ME3: variants seen among roughly 807,000 people sequenced by gnomAD.
ME3 encodes the protein malic enzyme 3.
A neutral mutation model predicts 68.9 loss-of-function variants in ME3; 48 were observed. The observed-to-expected ratio is 0.70, with a 90% CI of 0.55 to 0.89. The LOEUF (loss-of-function observed/expected upper bound fraction) is 0.89. Among genes scored for constraint, ME3 ranks in the 40% least tolerant of loss-of-function variants. The pLI, the probability that ME3 is intolerant of heterozygous loss-of-function variation, is 0.00. For synonymous variants in ME3, 320 were observed against 318.8 expected (o/e 1.00, Z -0.04); for missense variants, 675 against 797.4 (o/e 0.85, Z 1.85).
chr11:86,617,218 A>G (rs1291367881), intron 2 of ME3, among the ~76,000 whole-genome samples: 1 of 151,184 alleles, frequency 6.6e-6, no homozygotes, highest in Non-Finnish European at 1.5e-5. Flanking sequence ...AAAATTACCT[A>G]CTACAGGGGA....
chr11:86,627,399 C>A (rs1042922222), intron 2 of ME3, among the ~76,000 whole-genome samples: 3 of 152,130 alleles, frequency 2.0e-5, no homozygotes, highest in African/African-American at 7.2e-5. Context: ...AAATTGCAAC[C>A]AAATTTGCTT....
Position 86,457,855 on chromosome 11 carries a change from GGAAATAGCAC to G in ME3, c.919+7226_919+7235del, listed in dbSNP as rs1950027148. The G allele has an allele frequency of 4.3e-6, 5 of 1,164,226 alleles. 1 individual carries two copies. In the Admixed American group the frequency reaches 1.5e-4, roughly 34 times the overall value. The allele number at this position is 1,164,226 out of a possible 1,614,324, so 72.1% of individuals were successfully genotyped here. ...CTGAGTACTTGAGGTTGTAGCTTCA[GGAAATAGCAC>G]AAAAGGACATGCTGAAAATGTAGTT... On this transcript the variant is annotated intron_variant, in intron 8 of 14. Coordinates refer to ENST00000543262, the Ensembl canonical transcript of ME3.
chr11:86,594,508 T>C (rs1959184799), intron 2 of ME3, among the ~76,000 whole-genome samples: 1 of 144,574 alleles, frequency 6.9e-6, no homozygotes. Context: ...CTGGGCAACA[T>C]AAAAACACCC....
intron 4 of ME3, among the ~76,000 whole-genome samples, chr11:86,534,947 C>T (rs960758158): frequency 6.6e-6 from 1 of 152,084 alleles, no homozygotes; most frequent in Non-Finnish European, 1.5e-5. Flanking sequence ...GGCCCTACTC[C>T]TGACACAGTG....
intron 2 of ME3, among the ~76,000 whole-genome samples, chr11:86,643,100 T>C (rs1160304341): frequency 6.6e-6 from 1 of 152,190 alleles, no homozygotes; most frequent in African/African-American, 2.4e-5. Context: ...AGGCCTCTCA[T>C]GTCTGTGTTT....
chr11:86,618,769 G>T (rs1213556929), intron 2 of ME3, among the ~76,000 whole-genome samples: 1 of 151,260 alleles, frequency 6.6e-6, no homozygotes, highest in African/African-American at 2.4e-5. Context: ...CCAGGCTGGA[G>T]TGCAATGGCG....
chr11:86,504,653 C>A (rs546923521), intron 5 of ME3, among the ~76,000 whole-genome samples: 10 of 151,828 alleles, frequency 6.6e-5, no homozygotes, highest in Admixed American at 6.6e-4. Context: ...CTCGGCCTCC[C>A]GAAATGCTGG....
intron 2 of ME3, among the ~76,000 whole-genome samples, chr11:86,655,323 C>T (rs954529573): frequency 6.6e-6 from 1 of 152,138 alleles, no homozygotes; most frequent in African/African-American, 2.4e-5. Context: ...AAGCTGGAGG[C>T]ATCACGCTAC....
intron 4 of ME3, among the ~76,000 whole-genome samples, chr11:86,513,368 C>A (rs572401457): frequency 3.6e-4 from 55 of 152,274 alleles, no homozygotes; most frequent in African/African-American, 1.3e-3. Flanking sequence ...GCCTAAACTG[C>A]GGCTAGCTAC....
rs539469597 is a variant in ME3, at chr11:86,500,918, A to G, written c.544-2794T>C. Among the ~76,000 whole-genome samples the G allele has an allele frequency of 5.0e-4, 76 of 151,764 alleles. 2 individuals are homozygous for G. The South Asian group carries it at 0.015, about 30-fold the overall frequency. On this transcript the variant is annotated intron_variant, in intron 5 of 14. Coordinates refer to ENST00000543262, the Ensembl canonical transcript of ME3. ...CCTGTCTGCTTGCCTGCCTTTCACA[A>G]GCGTGTATTAAGGACCCACTGCCTG...
At position 86,655,135 on chromosome 11, in the gene ME3, G is replaced by T. The variant is rs542387513; in HGVS notation, c.183+16627C>A. ...ATGGAAGAAGATTCTATGCTCATGG[G>T]CAGGAAGAATCAATATCGTGAAAAT... On this transcript the variant is annotated intron_variant, in intron 2 of 14. Transcript: ENST00000543262. Among the ~76,000 whole-genome samples, 3 of 152,304 alleles carry T rather than the reference G, an allele frequency of 2.0e-5. No homozygotes were observed. In the East Asian group the frequency reaches 5.8e-4, roughly 29 times the overall value.
chr11:86,511,186 A>G (rs1953498729), intron 4 of ME3, among the ~76,000 whole-genome samples: 1 of 152,120 alleles, frequency 6.6e-6, no homozygotes, highest in East Asian at 1.9e-4. Flanking sequence ...CCTCTCTCCT[A>G]TTTTCTATAT....
chr11:86,494,917 G>C (rs905929001), intron 6 of ME3, among the ~76,000 whole-genome samples: 1 of 152,012 alleles, frequency 6.6e-6, no homozygotes, highest in Non-Finnish European at 1.5e-5. Flanking sequence ...TTACACCTAG[G>C]TAATAACTAT....
intron 4 of ME3, among the ~76,000 whole-genome samples, chr11:86,542,867 T>A (rs780924734): frequency 6.6e-6 from 1 of 151,824 alleles, no homozygotes; most frequent in Non-Finnish European, 1.5e-5. Flanking sequence ...TTCACCAAGG[T>A]TGAAATGAAG....
chr11:86,666,756 C>T (rs1181082287), intron 2 of ME3, among the ~76,000 whole-genome samples: 1 of 152,198 alleles, frequency 6.6e-6, no homozygotes. Flanking sequence ...CACAATTTTA[C>T]ATCATACCTG....
intron 6 of ME3, among the ~76,000 whole-genome samples, chr11:86,493,563 A>T (rs1260462911): frequency 1.3e-5 from 2 of 152,254 alleles, no homozygotes; most frequent in Non-Finnish European, 2.9e-5. Flanking sequence ...TAACCTGAAT[A>T]GTCTGTGACT....
chr11:86,624,989 A>AT (rs1943569777), intron 2 of ME3, among the ~76,000 whole-genome samples: 1 of 152,224 alleles, frequency 6.6e-6, no homozygotes, highest in Non-Finnish European at 1.5e-5. Flanking sequence ...GGCAAATGAC[A>AT]TGCTTAGGAG....
At chr11:86,507,162 T>C (rs1594219349) in intron 5 of ME3, among the ~76,000 whole-genome samples, 1 of 151,776 alleles carries the variant, frequency 6.6e-6, no homozygotes, top group African/African-American at 2.4e-5. Flanking sequence ...TAAAGGGAGG[T>C]AGACAGAAAG....
rs746987793 is a variant in ME3, at chr11:86,671,874, C to T, written c.71G>A (p.Arg24His). 5 of 1,556,286 alleles carry T rather than the reference C, an allele frequency of 3.2e-6. No individual in the cohort carries two copies. The Admixed American group carries it at 1.0e-4, about 31-fold the overall frequency. Residue 24 changes from arginine to histidine, a missense_variant, in exon 2 of 15, where the codon CGC becomes CAC. By Grantham distance (29) the Arg-to-His change is conservative. Transcript: ENST00000543262. ...TTGGGCGGGCGCGGTGGGTGTCCAG[C>T]GCGGGAGGGCGCCGCAGGCCCGGCC...
Sources: allele counts gnomAD v4.1 joint callset (sites outside exome capture counted in the v4.1 genomes callset), GRCh38; gene constraint gnomAD v4.1.1; transcripts MANE v1.5; gene names NCBI Gene and HGNC (gene_info 2026-07-23, HGNC 2026-07-21).